FAM168A: variants seen among roughly 807,000 people sequenced by gnomAD.
FAM168A encodes the protein family with sequence similarity 168 member A.
FAM168A carries 3 observed loss-of-function variants against 28.5 expected under a neutral mutation model. That is an observed-to-expected ratio of 0.11 (90% CI 0.05 to 0.27). FAM168A has a LOEUF of 0.27. Among genes scored for constraint, FAM168A ranks in the 10% least tolerant of loss-of-function variants. The pLI, the probability that FAM168A is intolerant of heterozygous loss-of-function variation, is 1.00. For missense variants in FAM168A, 222 were observed against 311.5 expected, an observed-to-expected ratio of 0.71 and a Z score of 2.16; for synonymous variants, 122 against 124.2, an observed-to-expected ratio of 0.98 and a Z score of 0.12.
chr11:73,502,447 A>G (rs1193601322), intron 1 of FAM168A, among the ~76,000 whole-genome samples: 1 of 152,248 alleles, frequency 6.6e-6, no homozygotes, highest in Non-Finnish European at 1.5e-5. Flanking sequence ...TAAACCAGGA[A>G]GAACTCAGAT....
At chr11:73,533,192 C>A (rs1216903521) in intron 1 of FAM168A, among the ~76,000 whole-genome samples, 1 of 152,004 alleles carries the variant, frequency 6.6e-6, no homozygotes, top group Non-Finnish European at 1.5e-5. Context: ...TCCCACCTGC[C>A]CTACTTACCT....
At chr11:73,533,565 GC>G (rs112199231) in intron 1 of FAM168A, among the ~76,000 whole-genome samples, 15,254 of 134,984 alleles carry the variant, frequency 0.11, 804 homozygotes, top group African/African-American at 0.15. Context: ...AGGAGAAAAG[GC>G]CAAAAAAAAA....
chr11:73,514,643 G>A (rs1277882217), intron 1 of FAM168A, among the ~76,000 whole-genome samples: 1 of 152,088 alleles, frequency 6.6e-6, no homozygotes, highest in African/African-American at 2.4e-5. Context: ...ACCAGCCTGA[G>A]CAACATGGCA....
intron 1 of FAM168A, among the ~76,000 whole-genome samples, chr11:73,572,858 C>A (rs946548251): frequency 1.3e-5 from 2 of 151,684 alleles, no homozygotes; most frequent in African/African-American, 2.4e-5. Flanking sequence ...TGAGAAACAC[C>A]CAAGAATGAT....
intron 1 of FAM168A, among the ~76,000 whole-genome samples, chr11:73,496,903 ACACG>A (rs755089712): frequency 8.7e-5 from 13 of 148,606 alleles, no homozygotes; most frequent in South Asian, 6.4e-4. Context: ...ACACACACAC[ACACG>A]CACACACACG....
rs186720349 is a variant in FAM168A at position 73,460,683 on chromosome 11, T to G, written c.70+7722A>C. On this transcript the variant is annotated intron_variant, in intron 2 of 7. Transcript: ENST00000356467. ...CATGCCTGGCTAATTTTTGTATTTT[T>G]AGTAGAGACGGGGTTTCACCATGTT... Among the ~76,000 whole-genome samples the G allele has an allele frequency of 2.3e-3, 346 of 152,154 alleles. 2 individuals carry two copies. Among genetic ancestry groups the G allele is most frequent in the African/African-American group, 7.9e-3 (328 of 41,512 alleles).
chr11:73,574,854 G>A (rs1026671682), intron 1 of FAM168A, among the ~76,000 whole-genome samples: 2 of 150,424 alleles, frequency 1.3e-5, no homozygotes, highest in African/African-American at 4.9e-5. Context: ...GTGAGCCACC[G>A]TGCCCATCCG....
At chr11:73,580,934 A>G (rs1273475073) in intron 1 of FAM168A, among the ~76,000 whole-genome samples, 2 of 152,174 alleles carry the variant, frequency 1.3e-5, no homozygotes, top group Non-Finnish European at 2.9e-5. Context: ...ACCCCTAATC[A>G]TTGGTTACCA....
At chr11:73,441,165 TC>T (rs1410716061) in intron 2 of FAM168A, among the ~76,000 whole-genome samples, 1 of 151,988 alleles carries the variant, frequency 6.6e-6, no homozygotes, top group African/African-American at 2.4e-5. Context: ...TTCAAGCGAT[TC>T]CCCTGCCTCA....
intron 4 of FAM168A, among the ~76,000 whole-genome samples, chr11:73,414,505 T>C (rs1011116453): frequency 1.3e-5 from 2 of 152,158 alleles, no homozygotes; most frequent in Non-Finnish European, 2.9e-5. Flanking sequence ...CACAGAGCCA[T>C]GGTTATGAGC....
intron 1 of FAM168A, among the ~76,000 whole-genome samples, chr11:73,499,580 T>C (rs1262233428): frequency 3.3e-5 from 5 of 151,824 alleles, no homozygotes; most frequent in East Asian, 1.9e-4. Context: ...ACTATGATGA[T>C]CAAAAGGAAC....
intron 1 of FAM168A, among the ~76,000 whole-genome samples, chr11:73,541,204 C>CAAAT (rs1241374104): frequency 2.0e-4 from 31 of 151,566 alleles, no homozygotes; most frequent in Middle Eastern, 3.4e-3. Flanking sequence ...GATTCCATCT[C>CAAAT]AAATAAATAA....
intron 1 of FAM168A, among the ~76,000 whole-genome samples, chr11:73,591,591 C>T (rs1944382565): frequency 6.6e-6 from 1 of 152,136 alleles, no homozygotes; most frequent in Admixed American, 6.5e-5. Flanking sequence ...CTCACTGTAG[C>T]CTCAAATTCC....
intron 2 of FAM168A, among the ~76,000 whole-genome samples, chr11:73,440,123 T>C (rs1867167719): frequency 6.6e-6 from 1 of 152,072 alleles, no homozygotes. Context: ...TGGCCTCAAG[T>C]GATCTGCCTG....
At chr11:73,596,733 C>A (rs1000801042) in intron 1 of FAM168A, among the ~76,000 whole-genome samples, 9 of 152,000 alleles carry the variant, frequency 5.9e-5, no homozygotes, top group Non-Finnish European at 1.2e-4. Flanking sequence ...CAACCCAATT[C>A]CCCCCTGCTC....
chr11:73,418,765 A>C (rs1217160332), intron 4 of FAM168A, among the ~76,000 whole-genome samples: 1 of 152,006 alleles, frequency 6.6e-6, no homozygotes, highest in African/African-American at 2.4e-5. Context: ...AACAAGACAC[A>C]AAGTTCTTCC....
At position 73,404,088 on chromosome 11, in the gene FAM168A, G is replaced by A. The variant is rs570172935; in HGVS notation, c.*2675C>T. 13 of 152,298 alleles carry A rather than the reference G, an allele frequency of 8.5e-5. No homozygotes were observed. Among genetic ancestry groups the A allele is most frequent in the African/African-American group, 3.1e-4 (13 of 41,540 alleles). The allele number at this position is 152,298 out of a possible 1,614,324, so 9.4% of individuals were successfully genotyped here. A position where few individuals can be genotyped will look rare whatever the true frequency, so the allele number is the denominator to read the frequency against. ...AGGAGAAATAACCTCTATTTCATCG[G>A]GTTAAACCAGATAATTTATGTTCAA... is the stretch of plus-strand genomic sequence containing the variant. On this transcript the variant is annotated 3_prime_UTR_variant, in exon 8 of 8. Coordinates refer to ENST00000356467, the MANE Select transcript of FAM168A (RefSeq NM_015159.3).
At chr11:73,582,019 CTTAT>C (rs1448741235) in intron 1 of FAM168A, among the ~76,000 whole-genome samples, 2 of 151,862 alleles carry the variant, frequency 1.3e-5, no homozygotes, top group African/African-American at 4.8e-5. Context: ...ACCCAGCCAA[CTTAT>C]TTGTTTATAC....
In FAM168A at chr11:73,410,104, T is replaced by G. The variant is rs932030132; in HGVS notation, c.421-443A>C. Among the ~76,000 whole-genome samples the G allele has an allele frequency of 2.0e-4, 30 of 150,440 alleles. 1 individual carries two copies. Among genetic ancestry groups the G allele is most frequent in the Middle Eastern group, 6.8e-3 (2 of 294 alleles). ...AAGTGCATGTTGTAAAAAAAAAAAG[T>G]ACATGTTGAAAAAAAATGGCGGCTG... is the stretch of plus-strand genomic sequence containing the variant. On this transcript the variant is annotated intron_variant, in intron 5 of 7. Coordinates refer to ENST00000356467, the MANE Select transcript of FAM168A (RefSeq NM_015159.3).
Sources: gnomAD v4.1 joint callset for allele counts (sites outside exome capture counted in the v4.1 genomes callset) on GRCh38, gnomAD v4.1.1 for gene constraint, MANE v1.5 for transcripts, NCBI Gene and HGNC (gene_info 2026-07-23, HGNC 2026-07-21) for gene names.